The following LRP2 variants were observed in gnomAD, a reference collection of about 807,000 sequenced individuals.
LRP2 encodes low-density lipoprotein receptor-related protein 2.
LRP2 carries 172 observed loss-of-function variants against 531.0 expected under a neutral mutation model. That is an observed-to-expected ratio of 0.32 (90% CI 0.29 to 0.37). The LOEUF is 0.37. Among genes scored for constraint, LRP2 ranks in the 10% least tolerant of loss-of-function variants. The pLI, the probability that LRP2 is intolerant of heterozygous loss-of-function variation, is 1.00. For missense variants in LRP2, 5,167 were observed against 5,868.3 expected, an observed-to-expected ratio of 0.88 and a Z score of 3.90; for synonymous variants, 1,992 against 2,027.6, an observed-to-expected ratio of 0.98 and a Z score of 0.47.
intron 3 of LRP2, among the ~76,000 whole-genome samples, chr2:169,310,220 T>C (rs1684554120): frequency 6.6e-6 from 1 of 152,186 alleles, no homozygotes; most frequent in Admixed American, 6.5e-5. Context: ...TTTATTTCTT[T>C]CTCCTGCCTG....
chr2:169,153,135 T>C (rs532816481), intron 66 of LRP2, among the ~76,000 whole-genome samples, 171 bp from the exon 67 acceptor site: 3 of 152,252 alleles, frequency 2.0e-5, no homozygotes, highest in Non-Finnish European at 4.4e-5. Flanking sequence ...CTTTAAAACC[T>C]ATCAAACTTG....
chr2:169,200,244 C>A (rs1688158604), intron 44 of LRP2, among the ~76,000 whole-genome samples: 1 of 152,040 alleles, frequency 6.6e-6, no homozygotes, highest in African/African-American at 2.4e-5. Flanking sequence ...GAGCAAGACT[C>A]CATCTCAAAA....
intron 25 of LRP2, chr2:169,240,716 C>CAATCT: frequency 3.6e-6 from 2 of 562,886 alleles, no homozygotes; most frequent in Non-Finnish European, 6.3e-6. Flanking sequence ...TTTAATTTGA[C>CAATCT]AATCTAATGG....
intron 34 of LRP2, 32 bp downstream of exon 34, chr2:169,220,422 A>G (rs1296425604): frequency 6.8e-7 from 1 of 1,469,680 alleles, no homozygotes; most frequent in Admixed American, 1.7e-5. Flanking sequence ...ACAATGCTGC[A>G]TGGAAGACAC....
chr2:169,216,109 A>C, intron 35 of LRP2, 144 bp downstream of exon 35: 1 of 831,286 alleles, frequency 1.2e-6, no homozygotes, highest in Non-Finnish European at 2.0e-6. Flanking sequence ...AAGGGAGAGA[A>C]GTTATTGGGA....
intron 23 of LRP2, 55 bp from the exon 24 acceptor site, chr2:169,243,127 C>T: frequency 7.2e-7 from 1 of 1,386,068 alleles, no homozygotes; most frequent in Non-Finnish European, 1.0e-6. Context: ...AATGACTAAA[C>T]ACTGAGATTT....
At chr2:169,130,629 G>C (rs1685250960) in intron 77 of LRP2, among the ~76,000 whole-genome samples, 3 of 152,154 alleles carry the variant, frequency 2.0e-5, no homozygotes, top group Non-Finnish European at 4.4e-5. Context: ...ATGGATGAAA[G>C]ATACATTTGT....
intron 59 of LRP2, 137 bp from the exon 60 acceptor site, chr2:169,169,955 G>T: frequency 1.4e-6 from 1 of 701,410 alleles, no homozygotes. Flanking sequence ...ACAACTTGTG[G>T]TTAGCAAATT....
At chr2:169,223,825 A>G (rs959852451) in intron 33 of LRP2, among the ~76,000 whole-genome samples, 2 of 152,192 alleles carry the variant, frequency 1.3e-5, no homozygotes, top group African/African-American at 4.8e-5. Flanking sequence ...GCACACTGCA[A>G]ATTTCCCTCT....
chr2:169,274,960 T>C, intron 14 of LRP2, 76 bp downstream of exon 14: 1 of 1,432,942 alleles, frequency 7.0e-7, no homozygotes. Context: ...CCCCTCATTA[T>C]TAACTTTCAA....
intron 3 of LRP2, among the ~76,000 whole-genome samples, chr2:169,311,497 T>C (rs1322669745): frequency 6.6e-6 from 1 of 152,244 alleles, no homozygotes; most frequent in East Asian, 1.9e-4. Flanking sequence ...AGTTTCCATG[T>C]AGTTGAGCGG....
At chr2:169,216,092 T>C (rs1165032584) in intron 35 of LRP2, among the ~76,000 whole-genome samples, 161 bp downstream of exon 35, 1 of 151,880 alleles carries the variant, frequency 6.6e-6, no homozygotes, top group Non-Finnish European at 1.5e-5. Flanking sequence ...AGGGGCGAGG[T>C]ACGTGCAAGG....
At chr2:169,222,655 T>C (rs551180385) in intron 33 of LRP2, among the ~76,000 whole-genome samples, 1 of 152,332 alleles carries the variant, frequency 6.6e-6, no homozygotes, top group South Asian at 2.1e-4. Context: ...GTTTAATTTA[T>C]AAATTAGACA....
At chr2:169,246,630 C>G (rs1690015906) in intron 21 of LRP2, 75 bp downstream of exon 21, 3 of 1,536,296 alleles carry the variant, frequency 2.0e-6, no homozygotes, top group Non-Finnish European at 2.7e-6. Flanking sequence ...ATAGCCCAAG[C>G]TTTTATTTAT....
chr2:169,320,257 T>C lies in LRP2; in HGVS notation c.187+520A>G, dbSNP rs562946628. Among the ~76,000 whole-genome samples the C allele has an allele frequency of 4.6e-5, 7 of 152,384 alleles. No homozygotes were observed. In the South Asian group the frequency reaches 6.2e-4, roughly 14 times the overall value. ...AGATTTGAAGTTTACTACATTATCGTATTTTTCAAATTTTTTAAAACTAGA... is the reference window on the plus strand; with the variant it reads ...AGATTTGAAGTTTACTACATTATCGCATTTTTCAAATTTTTTAAAACTAGA... On this transcript the variant is annotated intron_variant, in intron 2 of 78. Transcript: ENST00000649046.
chr2:169,168,668 A>G lies in LRP2; in HGVS notation c.11506T>C (p.Phe3836Leu), dbSNP rs1188446465. The change falls in exon 61 of 79, where the codon TTT becomes CTT. Residue 3836 changes from phenylalanine (F) to leucine (L), a missense_variant. By Grantham distance (22) the Phe-to-Leu change is conservative (BLOSUM62 0). Transcript: ENST00000649046. ...GCCTGGCAGTATGCACCATCAGGAA[A>G]GCGTGTGGCTGCCATGGGGGAAAAA... ...ASDEADCPTR[F>L]PDGAYCQATM... 3.7e-6 allele frequency: 6 copies of G among 1,613,836 alleles called. No individual in the cohort carries two copies. In the Admixed American group the frequency reaches 1.0e-4, roughly 27 times the overall value.
chr2:169,155,942 A>G (rs3815573), intron 65 of LRP2, among the ~76,000 whole-genome samples: 83,598 of 151,984 alleles, frequency 0.55, 23,780 homozygotes, highest in Admixed American at 0.64. Flanking sequence ...AGCTTTTGTT[A>G]TTGTTTGAGC....
Position 169,204,070 on chromosome 2 carries a change from T to C in LRP2, c.7917A>G (p.Gly2639=). The change falls in exon 42 of 79, where the codon GGA becomes GGG. Residue 2639 remains glycine (G), a synonymous_variant. Transcript: ENST00000649046. Reference sequence around the variant, plus strand: ...TCTGGTTCTTCACAACAGTGTTGATTCCCCTGGGCTGGGAGAGCAAATTTG... The same window carrying C: ...TCTGGTTCTTCACAACAGTGTTGATCCCCCTGGGCTGGGAGAGCAAATTTG... ...MTTNLLSQPR[G]INTVVKNQKQ... is the part of the protein sequence containing the mutation. 6.2e-7 allele frequency: 1 copy of C among 1,614,162 alleles called. No individual in the cohort carries two copies. The highest frequency in any genetic ancestry group is 1.3e-5 in the African/African-American group (1 of 75,044).
intron 4 of LRP2, among the ~76,000 whole-genome samples, chr2:169,305,183 C>G (rs1459855601): frequency 6.6e-6 from 1 of 152,160 alleles, no homozygotes; most frequent in East Asian, 1.9e-4. Context: ...ACAGACATTT[C>G]TCCCAAAGAA....
Sources: allele counts gnomAD v4.1 joint callset (sites outside exome capture counted in the v4.1 genomes callset), GRCh38; gene constraint gnomAD v4.1.1; transcripts MANE v1.5; gene names NCBI Gene and HGNC (gene_info 2026-07-23, HGNC 2026-07-21).